The following SLA variants were observed in gnomAD, a reference collection of about 807,000 sequenced individuals.
SLA encodes Src like adaptor.
Under a neutral mutation model 30.3 loss-of-function variants are expected in SLA, and 16 were observed. The ratio of observed to expected loss-of-function variants is 0.53; its 90% CI spans 0.36 to 0.80. The LOEUF (loss-of-function observed/expected upper bound fraction) is 0.80, where lower values mean the gene tolerates loss of function less well. Among genes scored for constraint, SLA ranks in the 30% least tolerant of loss-of-function variants. The probability of loss-of-function intolerance (pLI) is 0.01; values close to 1 mark genes in which losing one functional copy is unlikely to be tolerated. For missense variants in SLA, 310 were observed against 345.2 expected (o/e 0.90, Z 0.81); for synonymous variants, 143 against 137.8 (o/e 1.04, Z -0.26).
At chr8:133,063,973 G>T (rs747780893) in intron 2 of SLA, 1 of 152,212 alleles carries the variant, frequency 6.6e-6, no homozygotes, top group Non-Finnish European at 1.5e-5. Context: ...AGACATAATT[G>T]CTTCTAAGAA....
intron 8 of SLA, among the ~76,000 whole-genome samples, chr8:133,039,448 A>G (rs116629966): frequency 0.011 from 1,716 of 152,276 alleles, 35 homozygotes; most frequent in African/African-American, 0.037. Flanking sequence ...TGATTTGCCA[A>G]TGGGATGTCT....
At chr8:133,096,331 T>G (rs763149541) in intron 1 of SLA, 1 of 1,613,978 alleles carries the variant, frequency 6.2e-7, no homozygotes, top group South Asian at 1.1e-5. Context: ...TCATTGGGAG[T>G]TCTCAGGACG....
chr8:133,085,502 C>G (rs952756029), intron 1 of SLA, among the ~76,000 whole-genome samples: 1 of 152,122 alleles, frequency 6.6e-6, no homozygotes, highest in African/African-American at 2.4e-5. Flanking sequence ...ACTTACAACT[C>G]AGTAACAAAA....
At chr8:133,070,302 G>A (rs897458577) in intron 2 of SLA, among the ~76,000 whole-genome samples, 3 of 152,142 alleles carry the variant, frequency 2.0e-5, no homozygotes, top group East Asian at 1.9e-4. Flanking sequence ...CCACTGGAGC[G>A]AACCGACTCT....
chr8:133,076,778 AAC>A (rs1554717916), intron 1 of SLA: 1 of 143,854 alleles, frequency 7.0e-6, no homozygotes, highest in African/African-American at 2.6e-5. Flanking sequence ...AAAAAAAAAA[AAC>A]AACTGCAAAA....
chr8:133,049,090 G>A, intron 5 of SLA: 1 of 449,884 alleles, frequency 2.2e-6, no homozygotes, highest in Non-Finnish European at 4.5e-6. Context: ...ACTTTTACAG[G>A]ACCCTCACAT....
intron 1 of SLA, among the ~76,000 whole-genome samples, chr8:133,078,372 C>T (rs1478174610): frequency 6.6e-6 from 1 of 152,214 alleles, no homozygotes; most frequent in Non-Finnish European, 1.5e-5. Context: ...CTTCTCACAA[C>T]AGAGGCCCAG....
chr8:133,075,094 T>C lies in SLA; in HGVS notation c.-282A>G. The C allele has an allele frequency of 1.0e-6, 1 of 985,376 alleles. No homozygotes were observed. Among genetic ancestry groups the C allele is most frequent in the Middle Eastern group, 5.2e-4 (1 of 1,914 alleles). The allele number at this position is 985,376 out of a possible 1,614,324, so 61.0% of individuals were successfully genotyped here. A position where few individuals can be genotyped will look rare whatever the true frequency, so the allele number is the denominator to read the frequency against. On this transcript the variant is annotated 5_prime_UTR_variant, in exon 2 of 9. An upstream open reading frame in the 5' UTR loses its in-frame stop. Transcript: ENST00000338087. ...CTTGCAGAAGGGCAGGTTCCTGTTT[T>C]CAGTAACCACTCTGAGCAAGCTTCT...
chr8:133,038,452 T>C lies in SLA; in HGVS notation c.*72A>G. 7.8e-7 allele frequency: 1 copy of C among 1,280,330 alleles called. No individual in the cohort carries two copies. Among genetic ancestry groups the C allele is most frequent in the Non-Finnish European group, 1.1e-6 (1 of 880,732 alleles). The allele number at this position is 1,280,330 out of a possible 1,614,324, so 79.3% of individuals were successfully genotyped here. A position where few individuals can be genotyped will look rare whatever the true frequency, so the allele number is the denominator to read the frequency against. ...GCTCCCAGGGATCAGGGAACCTCGC[T>C]TTTCGCAAGATCCCAGGCAATAGTT... is the stretch of plus-strand genomic sequence containing the variant. On this transcript the variant is annotated 3_prime_UTR_variant, in exon 9 of 9. Coordinates refer to ENST00000338087, the MANE Select transcript of SLA (RefSeq NM_001045556.3).
At chr8:133,041,631 A>C (rs778170764) in intron 7 of SLA, among the ~76,000 whole-genome samples, 2 of 152,178 alleles carry the variant, frequency 1.3e-5, no homozygotes, top group Non-Finnish European at 2.9e-5. Flanking sequence ...ACACTCCGTG[A>C]GTGTCCTTCC....
chr8:133,072,123 C>G (rs1844149162), intron 2 of SLA, among the ~76,000 whole-genome samples: 1 of 152,164 alleles, frequency 6.6e-6, no homozygotes, highest in African/African-American at 2.4e-5. Flanking sequence ...TCACCAACCC[C>G]CTCTACACAC....
At chr8:133,099,764 C>A (rs1186287115) in intron 1 of SLA, among the ~76,000 whole-genome samples, 1 of 152,210 alleles carries the variant, frequency 6.6e-6, no homozygotes, top group Non-Finnish European at 1.5e-5. Flanking sequence ...ACCCTACCAG[C>A]ATTCTATCAG....
At chr8:133,068,285 T>C (rs1433221066) in intron 2 of SLA, among the ~76,000 whole-genome samples, 1 of 152,198 alleles carries the variant, frequency 6.6e-6, no homozygotes, top group Non-Finnish European at 1.5e-5. Context: ...CTGACCCACA[T>C]GTCCAGGAGC....
intron 2 of SLA, among the ~76,000 whole-genome samples, chr8:133,072,639 C>T (rs1844238798): frequency 6.6e-6 from 1 of 152,142 alleles, no homozygotes; most frequent in Non-Finnish European, 1.5e-5. Flanking sequence ...AACATAAAAC[C>T]CAGCAGCATC....
chr8:133,055,572 A>T (rs1841292121), intron 3 of SLA, among the ~76,000 whole-genome samples: 1 of 152,094 alleles, frequency 6.6e-6, no homozygotes, highest in South Asian at 2.1e-4. Context: ...TTTTCTGCCC[A>T]AGCCTTGGTT....
intron 7 of SLA, among the ~76,000 whole-genome samples, chr8:133,041,436 G>A (rs1838219948): frequency 6.6e-6 from 1 of 152,238 alleles, no homozygotes; most frequent in African/African-American, 2.4e-5. Flanking sequence ...CACCCACACA[G>A]GTGCCCTTGG....
At chr8:133,052,711 G>T (rs938121558) in intron 3 of SLA, among the ~76,000 whole-genome samples, 1 of 152,198 alleles carries the variant, frequency 6.6e-6, no homozygotes, top group Non-Finnish European at 1.5e-5. Context: ...AAGCAAATTT[G>T]GCAGTCCTCT....
chr8:133,100,807 CT>C (rs1462651814), intron 1 of SLA, among the ~76,000 whole-genome samples: 2 of 152,012 alleles, frequency 1.3e-5, no homozygotes, highest in East Asian at 1.9e-4. Context: ...TACCCACATT[CT>C]TTTTTTTCTG....
At chr8:133,043,980 T>C (rs1394038478) in intron 7 of SLA, among the ~76,000 whole-genome samples, 1 of 152,054 alleles carries the variant, frequency 6.6e-6, no homozygotes, top group Non-Finnish European at 1.5e-5. Context: ...AGCTCACGAT[T>C]ATGGGCCAGG....
Sources: allele counts gnomAD v4.1 joint callset (sites outside exome capture counted in the v4.1 genomes callset), GRCh38; gene constraint gnomAD v4.1.1; transcripts MANE v1.5; gene names NCBI Gene and HGNC (gene_info 2026-07-23, HGNC 2026-07-21).